FAM98A: variants seen among roughly 807,000 people sequenced by gnomAD.
The protein encoded by FAM98A is tRNA splicing ligase complex subunit 3A, also known as protein FAM98A.
Under a neutral mutation model 62.9 loss-of-function variants are expected in FAM98A, and 25 were observed. The observed-to-expected ratio is 0.40, with a 90% confidence interval of 0.29 to 0.56. The LOEUF (loss-of-function observed/expected upper bound fraction) is 0.56. FAM98A is among the 20% of genes least tolerant of loss of function. The pLI is 0.51. For synonymous variants in FAM98A, 252 were observed against 228.6 expected (o/e 1.10, Z -0.92); for missense variants, 653 against 640.7 (o/e 1.02, Z -0.21).
intron 1 of FAM98A, among the ~76,000 whole-genome samples, chr2:33,598,497 G>C (rs1299348835): frequency 6.6e-6 from 1 of 152,192 alleles, no homozygotes; most frequent in Admixed American, 6.5e-5. Context: ...GAGACACAAT[G>C]CAAAACAAAT....
chr2:33,587,433 T>TCTCC (rs2151143763), intron 4 of FAM98A, 113 bp from the exon 5 acceptor site: 1 of 810,290 alleles, frequency 1.2e-6, no homozygotes, highest in East Asian at 2.5e-5. Context: ...GAGGCAAAGG[T>TCTCC]GGAGGATGTT....
chr2:33,597,111 A>C (rs969054448), intron 1 of FAM98A, among the ~76,000 whole-genome samples: 3 of 152,122 alleles, frequency 2.0e-5, no homozygotes, highest in African/African-American at 7.2e-5. Flanking sequence ...CTAGGCCTAG[A>C]AGTTTCTCCT....
At chr2:33,597,629 C>G (rs1181127557) in intron 1 of FAM98A, among the ~76,000 whole-genome samples, 1 of 152,112 alleles carries the variant, frequency 6.6e-6, no homozygotes, top group Non-Finnish European at 1.5e-5. Flanking sequence ...AAACAGCATC[C>G]GTGGCCAATT....
intron 5 of FAM98A, 157 bp from the exon 6 acceptor site, chr2:33,586,835 T>C (rs1677568786): frequency 1.7e-6 from 1 of 589,892 alleles, no homozygotes; most frequent in Non-Finnish European, 3.0e-6. Flanking sequence ...ATTAATGAAA[T>C]GATAGGTGAC....
Position 33,584,727 on chromosome 2 carries a change from A to G in FAM98A, c.*49T>C. 2 of 1,487,590 alleles carry G rather than the reference A, an allele frequency of 1.3e-6. No individual in the cohort carries two copies. Among genetic ancestry groups the G allele is most frequent in the Non-Finnish European group, 1.8e-6 (2 of 1,098,630 alleles). 92.1% of individuals were successfully genotyped at this position (1,487,590 alleles called of 1,614,324 possible). ...TAGGTGCTGAATTCAGGATTCTGAA[A>G]CTAAGTTTCTATTACTTGAGCTCTA... On this transcript the variant is annotated 3_prime_UTR_variant, in exon 8 of 8. Transcript: ENST00000238823.
In FAM98A at chr2:33,584,543, A is replaced by T. The variant is rs946138776; in HGVS notation, c.*233T>A. 2.2e-6 allele frequency: 1 copy of T among 459,406 alleles called. No individual in the cohort carries two copies. The highest frequency in any genetic ancestry group is 3.8e-6 in the Non-Finnish European group (1 of 262,232). The allele number at this position is 459,406 out of a possible 1,614,324, so 28.5% of individuals were successfully genotyped here. ...TTAAAGGCAATTTTAACCACCTTTT[A>T]AAAAATTTTTCATAGAAAGGAGAGA... On this transcript the variant is annotated 3_prime_UTR_variant, in exon 8 of 8. Coordinates refer to ENST00000238823, the MANE Select transcript of FAM98A (RefSeq NM_015475.5).
chr2:33,594,435 AC>A (rs1677743882), intron 2 of FAM98A, among the ~76,000 whole-genome samples: 1 of 151,140 alleles, frequency 6.6e-6, no homozygotes, highest in Admixed American at 6.6e-5. Context: ...AGGAGAGGGA[AC>A]TCAGAGGACA....
intron 2 of FAM98A, among the ~76,000 whole-genome samples, chr2:33,594,752 A>C (rs1217622161): frequency 6.6e-6 from 1 of 151,638 alleles, no homozygotes. Flanking sequence ...TGAGCTCTTC[A>C]AAACGTGATT....
Position 33,585,526 on chromosome 2 carries a change from T to C in FAM98A, c.888+4A>G. 3 of 1,614,142 alleles carry C rather than the reference T, an allele frequency of 1.9e-6. No homozygotes were observed. The highest frequency in any genetic ancestry group is 2.5e-6 in the Non-Finnish European group (3 of 1,179,978). On this transcript the variant is annotated splice_donor_region_variant and intron_variant, in intron 7 of 7. Transcript: ENST00000238823. ...TTGGAAAAAATTAAAGGTACTCTAA[T>C]CACCTTATTGATGGCACAGGCAGTC... is the stretch of plus-strand genomic sequence containing the variant.
In FAM98A at chr2:33,588,318, G is replaced by A; in HGVS notation, c.522+17C>T. 1 of 1,584,568 alleles carries A rather than the reference G, an allele frequency of 6.3e-7. No individual in the cohort carries two copies. Among genetic ancestry groups the A allele is most frequent in the Non-Finnish European group, 8.6e-7 (1 of 1,158,016 alleles). On this transcript the variant is annotated intron_variant, in intron 4 of 7. Transcript: ENST00000238823. ...CTATGCCTTTAATACACTACAATTTGGTACTAAAGGTCTTACTTTTTTTTC... is the reference window on the plus strand; with the variant it reads ...CTATGCCTTTAATACACTACAATTTAGTACTAAAGGTCTTACTTTTTTTTC...
At position 33,585,109 on chromosome 2, in the gene FAM98A, G is replaced by C; in HGVS notation, c.1224C>G (p.Gly408=). Residue 408 remains glycine, a synonymous_variant, in exon 8 of 8, where the codon GGC becomes GGG. Coordinates refer to ENST00000238823, the MANE Select transcript of FAM98A (RefSeq NM_015475.5). ...CACCACTGCTGTGGCCACCATGATA[G>C]CCACCTGGCTGGAAACCTGAATCTC... ...GYRDSGFQPG[G]YHGGHSSGGY... is the part of the protein sequence containing the mutation. 6.2e-7 allele frequency: 1 copy of C among 1,614,126 alleles called. No individual in the cohort carries two copies. Among genetic ancestry groups the C allele is most frequent in the Non-Finnish European group, 8.5e-7 (1 of 1,180,012 alleles).
chr2:33,586,539 C>G (rs377343388), intron 6 of FAM98A, 23 bp downstream of exon 6: 9 of 1,459,640 alleles, frequency 6.2e-6, no homozygotes, highest in Non-Finnish European at 8.7e-6. Flanking sequence ...ATAGTCTGCT[C>G]TTTTAAATTA....
chr2:33,584,797 C>T lies in FAM98A; in HGVS notation c.1536G>A (p.Gln512=). 1.9e-6 allele frequency: 3 copies of T among 1,605,810 alleles called. No individual in the cohort carries two copies. Among genetic ancestry groups the T allele is most frequent in the Non-Finnish European group, 2.6e-6 (3 of 1,173,484 alleles). Residue 512 remains glutamine (Q), a synonymous_variant, in exon 8 of 8, where the codon CAG becomes CAA. Coordinates refer to ENST00000238823, the MANE Select transcript of FAM98A (RefSeq NM_015475.5). ...AGCCTCAACTAGTGTAATGTCTTCC[C>T]TGTCCAAATCCAGAATGATTATACT... ...GYQYNHSGFG[Q]GRHYTS
chr2:33,586,752 G>A (rs758657484), intron 5 of FAM98A, 74 bp from the exon 6 acceptor site: 112 of 897,062 alleles, frequency 1.2e-4, no homozygotes, highest in Middle Eastern at 1.1e-3. Context: ...CAAAAACTAC[G>A]TCTGTGTCAT....
chr2:33,587,435 G>C, intron 4 of FAM98A, 115 bp from the exon 5 acceptor site: 1 of 807,040 alleles, frequency 1.2e-6, no homozygotes, highest in South Asian at 1.5e-5. Context: ...GGCAAAGGTG[G>C]AGGATGTTTT....
chr2:33,599,248 T>G lies in FAM98A; in HGVS notation c.-27A>C. 1 of 1,600,624 alleles carries G rather than the reference T, an allele frequency of 6.2e-7. No homozygotes were observed. Among genetic ancestry groups the G allele is most frequent in the Non-Finnish European group, 8.6e-7 (1 of 1,167,778 alleles). ...CTACTGTGGTATTCAAATTTCCGAG[T>G]CGTCAGGCTCCCCTCTTCGCCGGCA... On this transcript the variant is annotated 5_prime_UTR_variant, in exon 1 of 8. Coordinates refer to ENST00000238823, the MANE Select transcript of FAM98A (RefSeq NM_015475.5).
At chr2:33,593,126 G>A (rs1220984640) in intron 2 of FAM98A, among the ~76,000 whole-genome samples, 4 of 152,162 alleles carry the variant, frequency 2.6e-5, no homozygotes, top group Non-Finnish European at 4.4e-5. Context: ...GTACTTGGCC[G>A]GGCACGGTGG....
intron 1 of FAM98A, among the ~76,000 whole-genome samples, chr2:33,596,363 C>T (rs2151147676): frequency 6.6e-6 from 1 of 152,228 alleles, no homozygotes; most frequent in East Asian, 1.9e-4. Context: ...TGAACTGGCG[C>T]ATCTGAATCC....
At position 33,595,640 on chromosome 2, in the gene FAM98A, G is replaced by T; in HGVS notation, c.54-3C>A. ...CTTCCAACAATGGGCCCTTGTAACTGGTGAGCAAGAAATTACATTTCAGAA... is the reference window on the plus strand; with the variant it reads ...CTTCCAACAATGGGCCCTTGTAACTTGTGAGCAAGAAATTACATTTCAGAA... On this transcript the variant is annotated splice_polypyrimidine_tract_variant and splice_region_variant and intron_variant, in intron 1 of 7. Transcript: ENST00000238823. 1.3e-6 allele frequency: 2 copies of T among 1,560,348 alleles called. No homozygotes were observed. Among genetic ancestry groups the T allele is most frequent in the East Asian group, 4.8e-5 (2 of 41,710 alleles).
Sources: allele counts gnomAD v4.1 joint callset (sites outside exome capture counted in the v4.1 genomes callset), GRCh38; gene constraint gnomAD v4.1.1; transcripts MANE v1.5; gene names NCBI Gene and HGNC (gene_info 2026-07-23, HGNC 2026-07-21).